The following XIRP2 variants were observed in gnomAD, a reference collection of about 807,000 sequenced individuals.
XIRP2 encodes xin actin-binding repeat-containing protein 2.
A neutral mutation model predicts 277.0 loss-of-function variants in XIRP2; 236 were observed. The observed-to-expected ratio is 0.85, with a 90% CI of 0.77 to 0.95. The LOEUF (loss-of-function observed/expected upper bound fraction) is 0.95. Among genes scored for constraint, XIRP2 ranks in the 40% least tolerant of loss-of-function variants. The probability of loss-of-function intolerance (pLI) is 0.00; values close to 1 mark genes in which losing one functional copy is unlikely to be tolerated. For synonymous variants in XIRP2, 1,490 were observed against 1,416.5 expected, an observed-to-expected ratio of 1.05 and a Z score of -1.17; for missense variants, 4,640 against 4,157.5, an observed-to-expected ratio of 1.12 and a Z score of -3.19.
chr2:167,066,921 T>C (rs1298476115), intron 2 of XIRP2, among the ~76,000 whole-genome samples: 1 of 152,152 alleles, frequency 6.6e-6, no homozygotes, highest in Non-Finnish European at 1.5e-5. Context: ...ATAATTCTTG[T>C]ATTTGCCCTC....
At chr2:166,903,362 T>G in intron 1 of XIRP2, 103 bp from the exon 2 acceptor site, 2 of 1,204,608 alleles carry the variant, frequency 1.7e-6, no homozygotes, top group Non-Finnish European at 2.3e-6. Context: ...ATTTCTTTAC[T>G]AAGACCCAAA....
chr2:166,903,422 A>T (rs1196715027), intron 1 of XIRP2, 43 bp from the exon 2 acceptor site: 48 of 1,528,008 alleles, frequency 3.1e-5, no homozygotes, highest in Non-Finnish European at 4.2e-5. Context: ...AATGACTCAG[A>T]CTCCTGAGTG....
chr2:167,248,987 A>G lies in XIRP2; in HGVS notation c.7595A>G (p.Asn2532Ser), dbSNP rs778194652. The part of the protein sequence containing the change: ...HSFPESSGQQ[N>S]PKPYMRKFKT... ...TTTCCAGAGAGTTCAGGACAACAAA[A>G]TCCAAAACCTTATATGAGAAAATTT... The change falls in exon 9 of 11, where the codon AAT (asparagine) becomes AGT (serine). Residue 2532 changes from asparagine (N) to serine (S), a missense_variant. Asn to Ser is a conservative substitution (Grantham distance 46). Transcript: ENST00000409195. 101 of 1,612,986 alleles carry G rather than the reference A, an allele frequency of 6.3e-5. 2 individuals are homozygous for G. In the South Asian group the frequency reaches 7.4e-4, roughly 12 times the overall value.
intron 2 of XIRP2, among the ~76,000 whole-genome samples, chr2:167,121,851 C>T (rs866788851): frequency 6.6e-6 from 1 of 152,052 alleles, no homozygotes; most frequent in Non-Finnish European, 1.5e-5. Context: ...ACTCCTTCAG[C>T]GTAAAATTCC....
intron 2 of XIRP2, among the ~76,000 whole-genome samples, chr2:167,083,603 A>G (rs376279534): frequency 1.2e-4 from 19 of 152,158 alleles, no homozygotes; most frequent in Non-Finnish European, 2.1e-4. Context: ...ATTTGTTTGT[A>G]TCCTCTTTTA....
chr2:167,049,978 A>G (rs1023856301), intron 2 of XIRP2, among the ~76,000 whole-genome samples: 2 of 152,044 alleles, frequency 1.3e-5, no homozygotes, highest in African/African-American at 2.4e-5. Context: ...TTGATTTGGG[A>G]AAAACTATCT....
intron 2 of XIRP2, among the ~76,000 whole-genome samples, chr2:167,093,487 G>A (rs987821570): frequency 5.9e-5 from 9 of 151,638 alleles, no homozygotes; most frequent in Non-Finnish European, 8.8e-5. Context: ...TCCCCAACAG[G>A]CCCCAGTGTG....
intron 2 of XIRP2, among the ~76,000 whole-genome samples, chr2:167,004,104 T>A (rs1687443603): frequency 6.6e-6 from 1 of 151,882 alleles, no homozygotes; most frequent in Admixed American, 6.6e-5. Context: ...ATGGAATGTT[T>A]TTATTTCTAG....
intron 3 of XIRP2, among the ~76,000 whole-genome samples, chr2:167,192,610 G>T (rs1271771020): frequency 6.6e-6 from 1 of 152,186 alleles, no homozygotes; most frequent in Non-Finnish European, 1.5e-5. Context: ...GAAAAGGACA[G>T]AATGAAATAA....
At chr2:167,045,799 C>A (rs1421345818) in intron 2 of XIRP2, among the ~76,000 whole-genome samples, 1 of 152,018 alleles carries the variant, frequency 6.6e-6, no homozygotes, top group Non-Finnish European at 1.5e-5. Context: ...AGTTCAACCA[C>A]TATGGAAAGG....
intron 2 of XIRP2, among the ~76,000 whole-genome samples, chr2:167,081,958 T>TA (rs1553484847): frequency 2.0e-5 from 3 of 151,480 alleles, no homozygotes; most frequent in Non-Finnish European, 4.4e-5. Flanking sequence ...TTTTTTTTAT[T>TA]ATTATACTTT....
intron 3 of XIRP2, among the ~76,000 whole-genome samples, chr2:167,190,949 C>A (rs1693311867): frequency 6.6e-6 from 1 of 151,914 alleles, no homozygotes; most frequent in African/African-American, 2.4e-5. Context: ...CGCCTGTAAC[C>A]CCAGCACTTT....
At chr2:167,080,580 CAA>C (rs1363257169) in intron 2 of XIRP2, among the ~76,000 whole-genome samples, 2 of 152,024 alleles carry the variant, frequency 1.3e-5, no homozygotes, top group African/African-American at 2.4e-5. Flanking sequence ...TTAAGCAAAG[CAA>C]AGAGATGGAA....
At position 166,995,544 on chromosome 2, in the gene XIRP2, C is replaced by A. The variant is rs372244030; in HGVS notation, c.408+91654C>A. 7.2e-5 allele frequency among the ~76,000 whole-genome samples: 11 copies of A among 152,288 alleles called. No homozygotes were observed. The East Asian group carries it at 1.2e-3, about 16-fold the overall frequency. ...TACAAGGTTCTTGATAATATTTGTT[C>A]TATTGCAATTGAGTTTAAAGAGATT... On this transcript the variant is annotated intron_variant, in intron 2 of 10. Transcript: ENST00000409195.
At chr2:167,133,316 C>A (rs1312444944) in intron 2 of XIRP2, among the ~76,000 whole-genome samples, 1 of 152,192 alleles carries the variant, frequency 6.6e-6, no homozygotes, top group Non-Finnish European at 1.5e-5. Flanking sequence ...ATCCAAGAAG[C>A]TCTTTTACAT....
chr2:166,895,918 T>C (rs1248754816), intron 1 of XIRP2, among the ~76,000 whole-genome samples: 2 of 152,184 alleles, frequency 1.3e-5, no homozygotes, highest in African/African-American at 2.4e-5. Flanking sequence ...GACTACTACA[T>C]AGATATACTA....
intron 2 of XIRP2, among the ~76,000 whole-genome samples, chr2:166,999,181 T>C (rs1466580718): frequency 1.3e-5 from 2 of 152,150 alleles, no homozygotes; most frequent in Non-Finnish European, 2.9e-5. Context: ...AATATATTTA[T>C]ATGCCAAGAA....
intron 2 of XIRP2, among the ~76,000 whole-genome samples, chr2:167,019,234 G>A (rs140586686): frequency 1.2e-3 from 177 of 151,960 alleles, no homozygotes; most frequent in African/African-American, 4.1e-3. Flanking sequence ...TCAAGGTCTC[G>A]TTCAGTCCCT....
intron 2 of XIRP2, among the ~76,000 whole-genome samples, chr2:167,023,086 T>C (rs1352251940): frequency 6.6e-6 from 1 of 152,176 alleles, no homozygotes; most frequent in Non-Finnish European, 1.5e-5. Context: ...GTAAAAGTAT[T>C]CCTATTTCTC....
Sources: gnomAD v4.1 joint callset for allele counts (sites outside exome capture counted in the v4.1 genomes callset) on GRCh38, gnomAD v4.1.1 for gene constraint, MANE v1.5 for transcripts, NCBI Gene and HGNC (gene_info 2026-07-23, HGNC 2026-07-21) for gene names.